SASH1: variants seen among roughly 807,000 people sequenced by gnomAD.
SASH1 encodes SAM and SH3 domain containing 1, also known as SAM and SH3 domain-containing protein 1.
Under a neutral mutation model 125.2 loss-of-function variants are expected in SASH1, and 44 were observed. The ratio of observed to expected loss-of-function variants is 0.35; its 90% confidence interval spans 0.28 to 0.45. The LOEUF (loss-of-function observed/expected upper bound fraction) is 0.45, where lower values mean the gene tolerates loss of function less well. Ranked by LOEUF, SASH1 falls within the 20% of genes least tolerant of loss-of-function variation. The pLI is 1.00. For synonymous variants in SASH1, 639 were observed against 649.1 expected, an observed-to-expected ratio of 0.98 and a Z score of 0.24; for missense variants, 1,426 against 1,614.5, an observed-to-expected ratio of 0.88 and a Z score of 2.00.
chr6:148,415,906 T>C (rs4540281), intron 2 of SASH1, among the ~76,000 whole-genome samples: 31,121 of 152,264 alleles, frequency 0.2, 3,287 homozygotes, highest in East Asian at 0.28. Context: ...ATTAGGGACC[T>C]GCTCTCATTA....
chr6:148,298,769 A>AGAGAAAG (rs1444160230), intron 1 of SASH1, among the ~76,000 whole-genome samples: 1 of 132,904 alleles, frequency 7.5e-6, no homozygotes, highest in Admixed American at 7.4e-5. Flanking sequence ...AGAGAGAAAG[A>AGAGAAAG]AAAAAGAAAG....
At chr6:148,510,469 ATTT>A (rs1780050697) in intron 8 of SASH1, among the ~76,000 whole-genome samples, 1 of 152,104 alleles carries the variant, frequency 6.6e-6, no homozygotes, top group Non-Finnish European at 1.5e-5. Flanking sequence ...ATATACTTTT[ATTT>A]TTTAACTTTA....
chr6:148,253,517 G>A, the SASH1 span, among the ~76,000 whole-genome samples: 4 of 152,142 alleles, frequency 2.6e-5, no homozygotes, highest in Non-Finnish European at 2.9e-5. Context: ...GAGATGACAC[G>A]AAAAGCAGAA....
At chr6:148,297,462 A>G (rs1021026642) in intron 1 of SASH1, among the ~76,000 whole-genome samples, 1 of 152,256 alleles carries the variant, frequency 6.6e-6, no homozygotes, top group African/African-American at 2.4e-5. Context: ...CATCTAGTTT[A>G]ATTTAGATTT....
chr6:148,479,725 T>C (rs76476109), intron 7 of SASH1: 10,140 of 153,532 alleles, frequency 0.066, 445 homozygotes, highest in Non-Finnish European at 0.097. Flanking sequence ...TGCGGCCACG[T>C]TGGCTGCCTC....
the SASH1 span, among the ~76,000 whole-genome samples, chr6:148,260,793 G>A: frequency 7.8e-6 from 1 of 127,850 alleles, no homozygotes; most frequent in Admixed American, 8.1e-5. Flanking sequence ...TCTCCTATAA[G>A]GGCTTTTTTT....
In SASH1 at chr6:148,342,921, G is replaced by A. The variant is rs1781379677; in HGVS notation, c.-147G>A. On this transcript the variant is annotated 5_prime_UTR_variant, in exon 1 of 20. It adds an upstream start codon to the 5' untranslated region. Coordinates refer to ENST00000367467, the MANE Select transcript of SASH1 (RefSeq NM_015278.5). ...GGCGCCTGCGAAGGGCCCCCGCGGG[G>A]TGGCCGGGGCCGCCGGGGCATGCAG... 1 of 712,640 alleles carries A rather than the reference G, an allele frequency of 1.4e-6. No individual in the cohort carries two copies. The highest frequency in any genetic ancestry group is 1.9e-5 in the African/African-American group (1 of 52,012). 44.1% of individuals were successfully genotyped at this position (712,640 alleles called of 1,614,324 possible).
At chr6:148,330,570 A>G (rs1028106575) in intron 1 of SASH1, among the ~76,000 whole-genome samples, 6 of 151,992 alleles carry the variant, frequency 3.9e-5, no homozygotes, top group Admixed American at 3.3e-4. Context: ...TTATTAACAC[A>G]TTCCTTTTTA....
the SASH1 span, among the ~76,000 whole-genome samples, chr6:148,243,832 A>G: frequency 6.6e-6 from 1 of 152,138 alleles, no homozygotes; most frequent in East Asian, 1.9e-4. Flanking sequence ...TTTATGTTTT[A>G]GAGAAATGAT....
At chr6:148,513,332 C>T in intron 8 of SASH1, 2 of 985,398 alleles carry the variant, frequency 2.0e-6, no homozygotes, top group Non-Finnish European at 2.4e-6. Flanking sequence ...AATTGCTCAC[C>T]CACTGCACAG....
intron 1 of SASH1, among the ~76,000 whole-genome samples, chr6:148,292,506 C>T (rs1247320776): frequency 1.3e-5 from 2 of 152,128 alleles, no homozygotes; most frequent in African/African-American, 4.8e-5. Context: ...TATAGAAATG[C>T]ACTGGCCTGT....
chr6:148,400,442 C>T (rs12527170), intron 2 of SASH1, among the ~76,000 whole-genome samples: 15,613 of 152,260 alleles, frequency 0.1, 1,100 homozygotes, highest in Admixed American at 0.2. Flanking sequence ...ACCGAAATGA[C>T]TAACAGTAGA....
intron 1 of SASH1, among the ~76,000 whole-genome samples, chr6:148,314,890 G>A (rs1562320421): frequency 6.6e-6 from 1 of 151,572 alleles, no homozygotes; most frequent in Non-Finnish European, 1.5e-5. Context: ...CCGAATAGCT[G>A]GGATTACAGG....
chr6:148,286,968 C>G (rs1779497921), intron 1 of SASH1, among the ~76,000 whole-genome samples: 1 of 152,132 alleles, frequency 6.6e-6, no homozygotes, highest in Non-Finnish European at 1.5e-5. Flanking sequence ...GCTTCCATAC[C>G]ACCCTGCACC....
At chr6:148,457,846 AAGG>A (rs1312432903) in intron 4 of SASH1, among the ~76,000 whole-genome samples, 1 of 152,204 alleles carries the variant, frequency 6.6e-6, no homozygotes, top group African/African-American at 2.4e-5. Context: ...TGATGACAAG[AAGG>A]AGAAGAATGT....
chr6:148,204,184 A>G, the SASH1 span, among the ~76,000 whole-genome samples: 1,087 of 152,330 alleles, frequency 7.1e-3, 10 homozygotes, highest in African/African-American at 0.025. Flanking sequence ...AGTGTAGGGT[A>G]ACGCTTTCTA....
chr6:148,536,119 AAGGTCTTTTAAGTAAGTATTT>A (rs1245393065), intron 16 of SASH1, among the ~76,000 whole-genome samples: 1 of 152,158 alleles, frequency 6.6e-6, no homozygotes, highest in Non-Finnish European at 1.5e-5. Flanking sequence ...ACTTTATAAC[AAGGTCTTTTAAGTAAGTATTT>A]GATTGCCCAA....
chr6:148,317,586 G>A lies in SASH1; in HGVS notation n.74+45209G>A, dbSNP rs137982361. ...ATTACAGGCATGTGCCACCACATCC[G>A]GCTAATTTTTTTGTATTTTTAGTAG... On this transcript the variant is annotated intron_variant and non_coding_transcript_variant, in intron 1 of 3. Transcript: ENST00000367469. Among the ~76,000 whole-genome samples, 608 of 152,180 alleles carry A rather than the reference G, an allele frequency of 4.0e-3. 6 individuals carry two copies. Among genetic ancestry groups the A allele is most frequent in the African/African-American group, 0.013 (559 of 41,546 alleles).
At chr6:148,242,932 T>A in the SASH1 span, among the ~76,000 whole-genome samples, 1 of 152,218 alleles carries the variant, frequency 6.6e-6, no homozygotes, top group South Asian at 2.1e-4. Context: ...ATGTGATTTT[T>A]TTTTTAACTC....
Sources: gnomAD v4.1 joint callset for allele counts (sites outside exome capture counted in the v4.1 genomes callset) on GRCh38, gnomAD v4.1.1 for gene constraint, MANE v1.5 for transcripts, NCBI Gene and HGNC (gene_info 2026-07-23, HGNC 2026-07-21) for gene names.